The following GTF2IRD1 variants were observed in gnomAD, a reference collection of about 807,000 sequenced individuals.
The protein encoded by GTF2IRD1 is GTF2I repeat domain containing 1, also known as general transcription factor II-I repeat domain-containing protein 1.
A neutral mutation model predicts 113.2 loss-of-function variants in GTF2IRD1; 26 were observed. That is an observed-to-expected ratio of 0.23 (90% CI 0.17 to 0.32). The LOEUF (loss-of-function observed/expected upper bound fraction) is 0.32, where lower values mean the gene tolerates loss of function less well. Among genes scored for constraint, GTF2IRD1 ranks in the 10% least tolerant of loss-of-function variants. GTF2IRD1 has a pLI of 1.00. For synonymous variants in GTF2IRD1, 484 were observed against 529.1 expected, an observed-to-expected ratio of 0.91 and a Z score of 1.17; for missense variants, 864 against 1,280.8, an observed-to-expected ratio of 0.67 and a Z score of 4.97.
chr7:74,539,875 T>C lies in GTF2IRD1; in HGVS notation c.1529-4T>C, dbSNP rs782529671. 8 of 1,610,400 alleles carry C rather than the reference T, an allele frequency of 5.0e-6. No individual in the cohort carries two copies. The highest frequency in any genetic ancestry group is 6.8e-6 in the Non-Finnish European group (8 of 1,178,174). ...ACCCGTGTCATTCGGAGTTTTGTCT[T>C]CAGACCCCTCGCCAACCTCTGAGGA... On this transcript the variant is annotated splice_region_variant and splice_polypyrimidine_tract_variant and intron_variant, in intron 13 of 26. Coordinates refer to ENST00000424337, the MANE Select transcript of GTF2IRD1 (RefSeq NM_005685.4).
At chr7:74,583,361 CTTTTTTTTTCTTTTTTT>C (rs1245642428) in intron 22 of GTF2IRD1, among the ~76,000 whole-genome samples, 2 of 136,880 alleles carry the variant, frequency 1.5e-5, no homozygotes, top group South Asian at 2.3e-4. Flanking sequence ...GCTAATTTTT[CTTTTTTTTTCTTTTTTT>C]TTTTTTTTTT....
chr7:74,550,420 C>T (rs1213315078), intron 17 of GTF2IRD1, among the ~76,000 whole-genome samples: 1 of 130,784 alleles, frequency 7.6e-6, no homozygotes, highest in African/African-American at 3.5e-5. Context: ...GAAACCCCAT[C>T]TCTAGGGAAA....
chr7:74,507,713 T>C, intron 1 of GTF2IRD1: 1 of 206,526 alleles, frequency 4.8e-6, no homozygotes, highest in African/African-American at 2.3e-5. Context: ...TGAGAGCTAA[T>C]ATGGGCAGTA....
chr7:74,508,932 A>G (rs1325365409), intron 2 of GTF2IRD1, among the ~76,000 whole-genome samples: 4 of 152,162 alleles, frequency 2.6e-5, no homozygotes, highest in Non-Finnish European at 4.4e-5. Context: ...CGAGCTTTGT[A>G]TAATACATCA....
At chr7:74,546,253 ACT>A (rs1343007886) in intron 16 of GTF2IRD1, among the ~76,000 whole-genome samples, 2 of 119,038 alleles carry the variant, frequency 1.7e-5, no homozygotes, top group Non-Finnish European at 3.3e-5. Context: ...GCGGAGTCTC[ACT>A]CTGTTGCCCA....
chr7:74,517,490 C>T (rs1363610345), intron 4 of GTF2IRD1, among the ~76,000 whole-genome samples: 5 of 136,734 alleles, frequency 3.7e-5, no homozygotes, highest in Non-Finnish European at 6.1e-5. Flanking sequence ...TGGAGTGCAG[C>T]GGCTCACTGC....
At chr7:74,560,436 T>A (rs1203154246) in intron 22 of GTF2IRD1, among the ~76,000 whole-genome samples, 46 of 147,608 alleles carry the variant, frequency 3.1e-4, no homozygotes, top group African/African-American at 1.1e-3. Context: ...TGACCCTTTT[T>A]AAAAAAATAT....
At chr7:74,532,768 C>G (rs61732196) in intron 9 of GTF2IRD1, among the ~76,000 whole-genome samples, 1,553 of 152,266 alleles carry the variant, frequency 0.01, 30 homozygotes, top group African/African-American at 0.036. Context: ...AGCCTTGCAC[C>G]CCCGGCTCTG....
chr7:74,485,926 T>TA (rs1333511638), intron 1 of GTF2IRD1, among the ~76,000 whole-genome samples: 44 of 149,766 alleles, frequency 2.9e-4, no homozygotes, highest in African/African-American at 1.0e-3. Context: ...ACCCTGTCTT[T>TA]AAAAAAAAAG....
chr7:74,577,029 C>A (rs1801116685), intron 22 of GTF2IRD1, among the ~76,000 whole-genome samples: 1 of 151,606 alleles, frequency 6.6e-6, no homozygotes, highest in Non-Finnish European at 1.5e-5. Context: ...ATGGGTTGGG[C>A]ATTTTTTTTA....
At chr7:74,565,993 TAA>T (rs1353770079) in intron 22 of GTF2IRD1, among the ~76,000 whole-genome samples, 1 of 127,424 alleles carries the variant, frequency 7.8e-6, no homozygotes, top group African/African-American at 3.3e-5. Context: ...ACCCTCTCTC[TAA>T]AAGACACACA....
chr7:74,501,206 G>C (rs1384779525), intron 1 of GTF2IRD1, among the ~76,000 whole-genome samples: 1 of 152,182 alleles, frequency 6.6e-6, no homozygotes, highest in Non-Finnish European at 1.5e-5. Context: ...CTGCCGGGCA[G>C]GGTTGGGCAG....
In GTF2IRD1 at chr7:74,550,328, T is replaced by C. The variant is rs587738846; in HGVS notation, c.1916+3042T>C. On this transcript the variant is annotated intron_variant, in intron 17 of 26. Coordinates refer to ENST00000424337, the MANE Select transcript of GTF2IRD1 (RefSeq NM_005685.4). Reference sequence around the variant, plus strand: ...AATATGTGTAATTATAGTACAGTAATTGGCTCTACTATATACATGTATAGT... The same window carrying C: ...AATATGTGTAATTATAGTACAGTAACTGGCTCTACTATATACATGTATAGT... Among the ~76,000 whole-genome samples, 9 of 152,272 alleles carry C rather than the reference T, an allele frequency of 5.9e-5. 2 individuals carry two copies. In the South Asian group the frequency reaches 1.7e-3, roughly 28 times the overall value.
chr7:74,513,124 T>A (rs530504323), intron 3 of GTF2IRD1, among the ~76,000 whole-genome samples, 153 bp downstream of exon 3: 3 of 152,294 alleles, frequency 2.0e-5, no homozygotes, highest in Admixed American at 6.5e-5. Context: ...CCCGATGTGG[T>A]GTTATTGAGG....
chr7:74,518,356 G>A (rs781873994), intron 5 of GTF2IRD1, 34 bp downstream of exon 5: 1 of 1,523,746 alleles, frequency 6.6e-7, no homozygotes, highest in Non-Finnish European at 8.9e-7. Flanking sequence ...GCTGGGCTGG[G>A]GCTGGGCCAG....
intron 14 of GTF2IRD1, among the ~76,000 whole-genome samples, chr7:74,541,560 AG>A (rs1426804893): frequency 6.6e-6 from 1 of 152,054 alleles, no homozygotes; most frequent in Non-Finnish European, 1.5e-5. Context: ...CAGGAGGTTG[AG>A]GCTGTGGTGA....
chr7:74,485,525 G>A (rs1794971750), intron 1 of GTF2IRD1, among the ~76,000 whole-genome samples: 1 of 152,128 alleles, frequency 6.6e-6, no homozygotes, highest in Non-Finnish European at 1.5e-5. Context: ...GCTGAGGCAG[G>A]AGAATGGTGT....
intron 1 of GTF2IRD1, among the ~76,000 whole-genome samples, chr7:74,479,299 C>T (rs1379680626): frequency 6.6e-6 from 1 of 152,306 alleles, no homozygotes; most frequent in East Asian, 1.9e-4. Flanking sequence ...CCCACCACTT[C>T]CTGCCCTGCC....
chr7:74,530,414 G>A (rs1223885229), intron 9 of GTF2IRD1, among the ~76,000 whole-genome samples: 1 of 151,796 alleles, frequency 6.6e-6, no homozygotes, highest in Non-Finnish European at 1.5e-5. Flanking sequence ...GTGTAGCTGT[G>A]TGGCCTATTC....
Sources: allele counts gnomAD v4.1 joint callset (sites outside exome capture counted in the v4.1 genomes callset), GRCh38; gene constraint gnomAD v4.1.1; transcripts MANE v1.5; gene names NCBI Gene and HGNC (gene_info 2026-07-23, HGNC 2026-07-21).